The following WFS1 variants were observed in gnomAD, a reference collection of about 807,000 sequenced individuals.
WFS1 encodes the protein wolframin ER transmembrane glycoprotein.
In WFS1, 90 loss-of-function variants were observed where a neutral mutation model predicts 68.5. The ratio of observed to expected loss-of-function variants is 1.31; its 90% confidence interval spans 1.11 to 1.56. The LOEUF (loss-of-function observed/expected upper bound fraction) is 1.56. Among genes scored for constraint, WFS1 ranks in the 40% most tolerant of loss-of-function variants. The pLI is 0.00. For synonymous variants in WFS1, 860 were observed against 540.7 expected (o/e 1.59, Z -8.19); for missense variants, 1,767 against 1,232.6 (o/e 1.43, Z -6.49).
Position 6,295,225 on chromosome 4 carries a change from C to T in WFS1, c.861+36C>T, listed in dbSNP as rs766463879. The T allele has an allele frequency of 4.3e-6, 7 of 1,609,204 alleles. No homozygotes were observed. In the South Asian group the frequency reaches 7.7e-5, roughly 18 times the overall value. ...AAGACCCCGGTCAGGCCGGAGCCTG[C>T]CTCCCAAGGACTCGCGCACCTCAGG... On this transcript the variant is annotated intron_variant, in intron 7 of 7. Transcript: ENST00000226760.
chr4:6,294,272 C>T (rs1431011220), intron 6 of WFS1, among the ~76,000 whole-genome samples: 1 of 152,152 alleles, frequency 6.6e-6, no homozygotes, highest in Non-Finnish European at 1.5e-5. Context: ...CTCATTCCCT[C>T]CTAGGGGATC....
At chr4:6,274,833 TGGC>T (rs1407619410) in intron 1 of WFS1, among the ~76,000 whole-genome samples, 2 of 6,594 alleles carry the variant, frequency 3.0e-4, no homozygotes, top group African/African-American at 5.0e-4. Flanking sequence ...TGCAGTGGCA[TGGC>T]GGTCTGATTT....
At chr4:6,294,081 C>G (rs767679113) in intron 6 of WFS1, among the ~76,000 whole-genome samples, 1 of 152,222 alleles carries the variant, frequency 6.6e-6, no homozygotes, top group Non-Finnish European at 1.5e-5. Context: ...ATTAGGAGGT[C>G]TGTCAGCGCC....
At position 6,300,901 on chromosome 4, in the gene WFS1, A is replaced by C. The variant is rs766169444; in HGVS notation, c.1106A>C (p.Lys369Thr). ...ACCCTCAAGGTGTTCCAGGACAGCA[A>C]GGCCTGGGAGAACTTCCGCACCCTC... is the stretch of plus-strand genomic sequence containing the variant. ...ICTLKVFQDS[K>T]AWENFRTLTD... The change falls in exon 8 of 8, where the codon AAG (lysine) becomes ACG (threonine). Residue 369 changes from lysine to threonine, a missense_variant. Lys to Thr is a moderately conservative substitution (Grantham distance 78). Transcript: ENST00000226760. 4 of 1,614,096 alleles carry C rather than the reference A, an allele frequency of 2.5e-6. No homozygotes were observed. In the Admixed American group the frequency reaches 6.7e-5, roughly 27 times the overall value.
intron 1 of WFS1, among the ~76,000 whole-genome samples, chr4:6,272,700 G>A (rs575226881): frequency 2.5e-4 from 38 of 152,328 alleles, no homozygotes; most frequent in African/African-American, 7.9e-4. Context: ...AAATGAAACC[G>A]CGCATAAGCT....
chr4:6,302,033 C>T lies in WFS1; in HGVS notation c.2238C>T (p.Asn746=). The T allele has an allele frequency of 1.9e-6, 3 of 1,612,812 alleles. No individual in the cohort carries two copies. The highest frequency in any genetic ancestry group is 2.5e-6 in the Non-Finnish European group (3 of 1,179,936). The change falls in exon 8 of 8, where the codon AAC becomes AAT. Residue 746 remains asparagine (N), a synonymous_variant. Transcript: ENST00000226760. The part of the protein sequence containing the change: ...GEAYPACSPG[N]TSTAEEELCR... The stretch of plus-strand genomic sequence containing the variant: ...CCTACCCTGCCTGCAGCCCTGGCAA[C>T]ACCTCCACGGCCGAGGAGGAGCTCT...
At chr4:6,281,674 C>G (rs1730172016) in intron 2 of WFS1, among the ~76,000 whole-genome samples, 1 of 152,090 alleles carries the variant, frequency 6.6e-6, no homozygotes, top group Non-Finnish European at 1.5e-5. Context: ...CCAGGAGGGA[C>G]TGGGGCTCTG....
chr4:6,275,108 C>G (rs369552861), intron 1 of WFS1, among the ~76,000 whole-genome samples: 2 of 152,196 alleles, frequency 1.3e-5, no homozygotes, highest in Non-Finnish European at 2.9e-5. Flanking sequence ...CAGGGCCATA[C>G]GAGAAACTCA....
intron 1 of WFS1, among the ~76,000 whole-genome samples, chr4:6,271,603 A>G (rs1729845594): frequency 2.6e-5 from 4 of 152,112 alleles, no homozygotes; most frequent in Admixed American, 1.3e-4. Context: ...CACCACAGCC[A>G]GCCAGCCCCA....
intron 7 of WFS1, among the ~76,000 whole-genome samples, chr4:6,299,383 T>C (rs1467549532): frequency 6.6e-6 from 1 of 151,742 alleles, no homozygotes; most frequent in Non-Finnish European, 1.5e-5. Context: ...AGGCAGCCTT[T>C]GGCCTTGACT....
In WFS1 at chr4:6,296,572, G is replaced by C. The variant is rs1403280834; in HGVS notation, c.861+1383G>C. 2.0e-5 allele frequency among the ~76,000 whole-genome samples: 3 copies of C among 152,200 alleles called. No homozygotes were observed. The East Asian group carries it at 5.8e-4, about 29-fold the overall frequency. On this transcript the variant is annotated intron_variant, in intron 7 of 7. Transcript: ENST00000226760. ...GGGTGCCATCATCTCCTTACTAATG[G>C]GAGATGAGGAAGCTGGGGTGCTGGC...
intron 2 of WFS1, among the ~76,000 whole-genome samples, chr4:6,282,747 A>T (rs1298355261): frequency 6.6e-6 from 1 of 152,198 alleles, no homozygotes; most frequent in Non-Finnish European, 1.5e-5. Flanking sequence ...TTTGATGTTC[A>T]TTGTGTGGGA....
intron 5 of WFS1, 40 bp downstream of exon 5, chr4:6,291,407 C>A: frequency 6.2e-7 from 1 of 1,604,954 alleles, no homozygotes. Flanking sequence ...TCCCTGGGCG[C>A]CAGCCTTCCC....
At position 6,289,114 on chromosome 4, in the gene WFS1, G is replaced by A. The variant is rs1277482652; in HGVS notation, c.443G>A (p.Cys148Tyr). ...GAGGCTGTGAAGCTGCTTCGCCGGT[G>A]CTTGGCGGACAGAAGAGGTGGGTCT... is the stretch of plus-strand genomic sequence containing the variant. ...RREAVKLLRR[C>Y]LADRRGITSE... Residue 148 changes from cysteine to tyrosine, a missense_variant, in exon 4 of 8, where the codon TGC becomes TAC. By Grantham distance (194) the Cys-to-Tyr change is radical. Coordinates refer to ENST00000226760, the MANE Select transcript of WFS1 (RefSeq NM_006005.3). 6.3e-7 allele frequency: 1 copy of A among 1,579,034 alleles called. No homozygotes were observed. Among genetic ancestry groups the A allele is most frequent in the Non-Finnish European group, 8.6e-7 (1 of 1,162,736 alleles).
intron 7 of WFS1, among the ~76,000 whole-genome samples, chr4:6,297,630 C>T (rs1730672297): frequency 6.6e-6 from 1 of 152,152 alleles, no homozygotes; most frequent in East Asian, 1.9e-4. Flanking sequence ...GCTGGGCCAT[C>T]GGTGTGGTGA....
At chr4:6,270,784 G>C (rs1196297489) in intron 1 of WFS1, among the ~76,000 whole-genome samples, 1 of 152,198 alleles carries the variant, frequency 6.6e-6, no homozygotes. Flanking sequence ...CAAGGAAGTC[G>C]CATTTGTGCA....
Position 6,301,804 on chromosome 4 carries a change from G to T in WFS1, c.2009G>T (p.Gly670Val). The T allele has an allele frequency of 6.2e-7, 1 of 1,613,268 alleles. No homozygotes were observed. Among genetic ancestry groups the T allele is most frequent in the Admixed American group, 1.7e-5 (1 of 60,032 alleles). ...YNSTLTWQQY[G>V]ALCGPRAWKE... ...TCCACACTGACCTGGCAGCAGTATG[G>T]TGCGCTGTGCGGGCCACGCGCCTGG... Residue 670 changes from glycine to valine, a missense_variant, in exon 8 of 8, where the codon GGT becomes GTT. Gly to Val is a moderately radical substitution (Grantham distance 109). Coordinates refer to ENST00000226760, the MANE Select transcript of WFS1 (RefSeq NM_006005.3).
chr4:6,292,101 C>G (rs1425778785), intron 6 of WFS1, 104 bp downstream of exon 6: 1 of 1,236,764 alleles, frequency 8.1e-7, no homozygotes, highest in Admixed American at 2.0e-5. Flanking sequence ...CTATCTCACC[C>G]GTGCCTCCCA....
At chr4:6,284,465 T>C (rs1442913087) in intron 2 of WFS1, among the ~76,000 whole-genome samples, 1 of 152,190 alleles carries the variant, frequency 6.6e-6, no homozygotes. Flanking sequence ...GAAAAATTAA[T>C]TATGGACTGG....
Sources: gnomAD v4.1 joint callset for allele counts (sites outside exome capture counted in the v4.1 genomes callset) on GRCh38, gnomAD v4.1.1 for gene constraint, MANE v1.5 for transcripts, NCBI Gene and HGNC (gene_info 2026-07-23, HGNC 2026-07-21) for gene names.